Variants in PGM2L1 observed in about 807,000 individuals in gnomAD.
PGM2L1 encodes the protein phosphoglucomutase 2 like 1, also known as glucose 1,6-bisphosphate synthase.
A neutral mutation model predicts 73.4 loss-of-function variants in PGM2L1; 35 were observed. The ratio of observed to expected loss-of-function variants is 0.48; its 90% CI spans 0.36 to 0.63. PGM2L1 has a LOEUF of 0.63. PGM2L1 is among the 30% of genes least tolerant of loss of function. The pLI is 0.00. For missense variants in PGM2L1, 570 were observed against 742.0 expected (o/e 0.77, Z 2.69); for synonymous variants, 225 against 253.8 (o/e 0.89, Z 1.08).
At chr11:74,371,665 GT>G (rs1862755830) in intron 3 of PGM2L1, 45 bp downstream of exon 3, 3 of 1,522,382 alleles carry the variant, frequency 2.0e-6, no homozygotes, top group Non-Finnish European at 2.7e-6. Context: ...TTTTAAATAT[GT>G]TTTATTCTAT....
intron 5 of PGM2L1, chr11:74,355,472 T>C: frequency 2.6e-6 from 1 of 383,424 alleles, no homozygotes; most frequent in South Asian, 2.2e-5. Context: ...GAGAATGGCG[T>C]GAACCCGGGA....
intron 2 of PGM2L1, among the ~76,000 whole-genome samples, chr11:74,372,922 T>C (rs1039161364): frequency 2.0e-5 from 3 of 152,176 alleles, no homozygotes; most frequent in Admixed American, 2.0e-4. Flanking sequence ...GGTGATACTA[T>C]CCTAAAACCT....
intron 6 of PGM2L1, among the ~76,000 whole-genome samples, chr11:74,348,601 C>G (rs1862303585): frequency 6.6e-6 from 1 of 152,130 alleles, no homozygotes; most frequent in Non-Finnish European, 1.5e-5. Flanking sequence ...CTCAAAAATA[C>G]TTTTAACAGT....
At chr11:74,358,066 T>C (rs1485405337) in intron 5 of PGM2L1, among the ~76,000 whole-genome samples, 1 of 152,172 alleles carries the variant, frequency 6.6e-6, no homozygotes, top group African/African-American at 2.4e-5. Flanking sequence ...GCAGTAAAAA[T>C]ACTCTGTATG....
At chr11:74,371,508 A>G (rs927241840) in intron 3 of PGM2L1, among the ~76,000 whole-genome samples, 4 of 152,224 alleles carry the variant, frequency 2.6e-5, no homozygotes, top group Admixed American at 6.5e-5. Context: ...TAAATATTTT[A>G]AATTTTTACT....
At chr11:74,393,813 G>A (rs2134958503) in intron 1 of PGM2L1, among the ~76,000 whole-genome samples, 1 of 152,224 alleles carries the variant, frequency 6.6e-6, no homozygotes, top group Non-Finnish European at 1.5e-5. Flanking sequence ...TCCCCATCCA[G>A]CCACTGACCC....
intron 13 of PGM2L1, among the ~76,000 whole-genome samples, chr11:74,337,689 G>A (rs972115268): frequency 2.6e-5 from 4 of 152,096 alleles, no homozygotes; most frequent in Non-Finnish European, 5.9e-5. Context: ...CATAGAAAAT[G>A]GATATTTGGC....
chr11:74,378,325 A>G (rs922832511), intron 1 of PGM2L1, among the ~76,000 whole-genome samples: 1 of 152,264 alleles, frequency 6.6e-6, no homozygotes, highest in Non-Finnish European at 1.5e-5. Context: ...AGAAAAAGAA[A>G]AAGAAATATA....
chr11:74,368,607 T>G (rs1179058963), intron 4 of PGM2L1, 32 bp from the exon 5 acceptor site: 1 of 1,565,552 alleles, frequency 6.4e-7, no homozygotes, highest in East Asian at 2.2e-5. Flanking sequence ...AATTCCATTT[T>G]GCTTCCTAGC....
chr11:74,391,523 T>A (rs1863101643), intron 1 of PGM2L1, among the ~76,000 whole-genome samples: 2 of 152,248 alleles, frequency 1.3e-5, no homozygotes, highest in South Asian at 4.1e-4. Context: ...AGGGGTGGGG[T>A]GTAACGTTTT....
intron 1 of PGM2L1, among the ~76,000 whole-genome samples, chr11:74,384,272 T>C (rs945838078): frequency 4.6e-5 from 7 of 152,184 alleles, no homozygotes; most frequent in African/African-American, 1.7e-4. Context: ...TTGGTTATTG[T>C]ATTTCTTCAG....
intron 5 of PGM2L1, among the ~76,000 whole-genome samples, chr11:74,353,652 G>T (rs1288868534): frequency 6.6e-6 from 1 of 151,372 alleles, no homozygotes; most frequent in African/African-American, 2.4e-5. Context: ...AGGGGCTGGG[G>T]GTAAGGCCAT....
intron 12 of PGM2L1, among the ~76,000 whole-genome samples, chr11:74,341,067 C>T (rs1406850444): frequency 6.6e-6 from 1 of 152,154 alleles, no homozygotes; most frequent in Non-Finnish European, 1.5e-5. Flanking sequence ...CAGTTATTTT[C>T]AACATTATCT....
intron 6 of PGM2L1, among the ~76,000 whole-genome samples, chr11:74,350,915 GA>G: frequency 7.0e-6 from 1 of 143,492 alleles, no homozygotes; most frequent in Non-Finnish European, 1.5e-5. Flanking sequence ...GAGAGAGAGA[GA>G]GAAAGAGAGA....
At position 74,332,152 on chromosome 11, in the gene PGM2L1, G is replaced by T. The variant is rs1262255434; in HGVS notation, c.*4500C>A. 6.6e-6 allele frequency: 1 copy of T among 152,150 alleles called. No homozygotes were observed. The highest frequency in any genetic ancestry group is 1.5e-5 in the Non-Finnish European group (1 of 68,030). The allele number at this position is 152,150 out of a possible 1,614,324, so 9.4% of individuals were successfully genotyped here. ...TGGCTTAGGGTAAGATGCTCTGAGG[G>T]ACAAATGTGAATAAGATTTCCTTAG... On this transcript the variant is annotated 3_prime_UTR_variant, in exon 14 of 14. Transcript: ENST00000298198.
intron 4 of PGM2L1, among the ~76,000 whole-genome samples, chr11:74,370,172 T>C (rs1347013969): frequency 6.6e-6 from 1 of 152,214 alleles, no homozygotes; most frequent in Non-Finnish European, 1.5e-5. Flanking sequence ...CTATACATTT[T>C]TAACCAAGAG....
chr11:74,337,256 A>G (rs993124973), intron 13 of PGM2L1, among the ~76,000 whole-genome samples: 7 of 152,252 alleles, frequency 4.6e-5, no homozygotes, highest in Admixed American at 2.0e-4. Flanking sequence ...TGCCCAGAAC[A>G]TTTCGAGGCA....
At chr11:74,389,678 G>A (rs1281909698) in intron 1 of PGM2L1, among the ~76,000 whole-genome samples, 1 of 151,294 alleles carries the variant, frequency 6.6e-6, no homozygotes, top group African/African-American at 2.4e-5. Context: ...TCGAACTCCT[G>A]ACCTCAGGTG....
At chr11:74,339,102 C>T (rs183073166) in intron 12 of PGM2L1, among the ~76,000 whole-genome samples, 85 of 152,174 alleles carry the variant, frequency 5.6e-4, no homozygotes, top group Non-Finnish European at 2.9e-5. Flanking sequence ...ATTTTACAGA[C>T]GAGGCTCAAA....
Sources: allele counts gnomAD v4.1 joint callset (sites outside exome capture counted in the v4.1 genomes callset), GRCh38; gene constraint gnomAD v4.1.1; transcripts MANE v1.5; gene names NCBI Gene and HGNC (gene_info 2026-07-23, HGNC 2026-07-21).